Variants in STYK1 observed in about 807,000 individuals in gnomAD.
The protein encoded by STYK1 is STY kinase 1.
Under a neutral mutation model 48.1 loss-of-function variants are expected in STYK1, and 46 were observed. That is an observed-to-expected ratio of 0.96 (90% confidence interval 0.75 to 1.22). STYK1 has a LOEUF of 1.22. Among genes scored for constraint, STYK1 ranks in the 50% most tolerant of loss-of-function variants. STYK1 has a pLI of 0.00. For synonymous variants in STYK1, 188 were observed against 189.0 expected (o/e 0.99, Z 0.04); for missense variants, 527 against 521.1 (o/e 1.01, Z -0.11).
chr12:10,648,781 A>T (rs1400448429), intron 1 of STYK1, among the ~76,000 whole-genome samples: 2 of 152,036 alleles, frequency 1.3e-5, no homozygotes, highest in African/African-American at 4.8e-5. Context: ...GCCCAGGCTG[A>T]TGTAAAATTC....
rs368958610 is a variant in STYK1 at position 10,631,222 on chromosome 12, C to T, written c.274G>A (p.Val92Met). 1.4e-5 allele frequency: 22 copies of T among 1,614,112 alleles called. No individual in the cohort carries two copies. Among genetic ancestry groups the T allele is most frequent in the Middle Eastern group, 1.6e-4 (1 of 6,084 alleles). ...NVALPLKETSVENFLGATTPA... is the reference protein window; with the variant it reads ...NVALPLKETSMENFLGATTPA... ...GTGGTAGCTCCCAGAAAGTTTTCCA[C>T]GGATGTCTCCTTAAGTGGCAAAGCC... Residue 92 changes from valine to methionine, a missense_variant, in exon 5 of 11, where the codon GTG becomes ATG. Transcript: ENST00000075503.
At chr12:10,636,644 G>A (rs777548862) in intron 2 of STYK1, among the ~76,000 whole-genome samples, 1 of 152,168 alleles carries the variant, frequency 6.6e-6, no homozygotes, top group Non-Finnish European at 1.5e-5. Context: ...ATTCAGGAAG[G>A]CTATTAGAAA....
chr12:10,628,777 G>T (rs1010181725), intron 6 of STYK1, among the ~76,000 whole-genome samples: 3 of 152,130 alleles, frequency 2.0e-5, no homozygotes, highest in Admixed American at 6.6e-5. Flanking sequence ...TTTAAAAAAC[G>T]TGAGTTTGAG....
intron 1 of STYK1, among the ~76,000 whole-genome samples, chr12:10,660,068 A>T (rs985333227): frequency 2.0e-5 from 3 of 152,238 alleles, no homozygotes; most frequent in Admixed American, 6.5e-5. Flanking sequence ...TACTGGAATC[A>T]GTTAGTGACC....
intron 6 of STYK1, among the ~76,000 whole-genome samples, chr12:10,628,748 A>C (rs35966693): frequency 2.8e-3 from 419 of 152,308 alleles, no homozygotes; most frequent in Non-Finnish European, 5.1e-3. Context: ...TGAGGCTAAA[A>C]ATTTCTGAAT....
In STYK1 at chr12:10,672,215, C is replaced by G. The variant is rs920207274; in HGVS notation, c.-195+1751G>C. 6.6e-6 allele frequency among the ~76,000 whole-genome samples: 1 copy of G among 152,152 alleles called. No individual in the cohort carries two copies. Among genetic ancestry groups the G allele is most frequent in the Non-Finnish European group, 1.5e-5 (1 of 68,026 alleles). ...CTACTGAACTGTGAGAAAATCATTTCGTTGTTTAAGCCAGAGGTCACCAAC... is the reference window on the plus strand; with the variant it reads ...CTACTGAACTGTGAGAAAATCATTTGGTTGTTTAAGCCAGAGGTCACCAAC... On this transcript the variant is annotated intron_variant, in intron 1 of 10. Transcript: ENST00000075503. The surrounding 1 kb of genome is among the most constrained non-coding windows in gnomAD (Gnocchi z 4.0).
At chr12:10,657,412 T>C (rs891559406) in intron 1 of STYK1, among the ~76,000 whole-genome samples, 1 of 152,232 alleles carries the variant, frequency 6.6e-6, no homozygotes, top group Admixed American at 6.5e-5. Flanking sequence ...GGTTTAAAAA[T>C]AATAAGCACT....
At chr12:10,627,308 T>C (rs577166329) in intron 7 of STYK1, among the ~76,000 whole-genome samples, 1 of 152,320 alleles carries the variant, frequency 6.6e-6, no homozygotes, top group Admixed American at 6.5e-5. Context: ...AATTCTATTA[T>C]TAGTACAAAT....
chr12:10,630,081 G>C (rs2009908), intron 5 of STYK1, among the ~76,000 whole-genome samples: 45,815 of 106,610 alleles, frequency 0.43, 8,666 homozygotes, highest in Non-Finnish European at 0.54. Context: ...GAGAGAGAGA[G>C]AGAGAGAGAG....
chr12:10,635,353 T>A (rs1208968106), intron 2 of STYK1, among the ~76,000 whole-genome samples: 1 of 152,244 alleles, frequency 6.6e-6, no homozygotes, highest in East Asian at 1.9e-4. Flanking sequence ...AATTGACAGA[T>A]GTCGAAGGAT....
At position 10,624,837 on chromosome 12, in the gene STYK1, A is replaced by C; in HGVS notation, c.740T>G (p.Leu247Trp). The C allele has an allele frequency of 1.2e-6, 2 of 1,614,168 alleles. No homozygotes were observed. The highest frequency in any genetic ancestry group is 1.7e-6 in the Non-Finnish European group (2 of 1,180,020). Residue 247 changes from leucine (L) to tryptophan (W), a missense_variant, in exon 8 of 11, where the codon TTG becomes TGG. Coordinates refer to ENST00000075503, the MANE Select transcript of STYK1 (RefSeq NM_018423.3). ...CCTGGCTGCCACATCCCCATGGAAC[A>C]AATGCTTCTCCTGCAGGAATTCCTG... The part of the protein sequence containing the change: ...LALEFLQEKH[L>W]FHGDVAARNI...
chr12:10,624,087 C>CT (rs112853318), intron 8 of STYK1, among the ~76,000 whole-genome samples: 23,585 of 147,054 alleles, frequency 0.16, 2,163 homozygotes, highest in East Asian at 0.23. Context: ...AATCTTTTCA[C>CT]TTTTTTTTTT....
chr12:10,656,340 T>C (rs184010661), intron 1 of STYK1, among the ~76,000 whole-genome samples: 23 of 152,062 alleles, frequency 1.5e-4, no homozygotes, highest in Admixed American at 7.2e-4. Context: ...AATGGATGAA[T>C]ACAGGGCTGA....
intron 1 of STYK1, chr12:10,673,559 C>T (rs2418096): frequency 0.28 from 42,572 of 152,012 alleles, 6,742 homozygotes; most frequent in African/African-American, 0.43. Flanking sequence ...CTGAAAGCAA[C>T]GATTCCATGG....
chr12:10,631,369 C>T, intron 4 of STYK1, 61 bp from the exon 5 acceptor site: 1 of 1,577,714 alleles, frequency 6.3e-7, no homozygotes. Context: ...GGAAAGCAGA[C>T]CCTGAAACAA....
At chr12:10,667,843 G>C (rs1210972552) in intron 1 of STYK1, among the ~76,000 whole-genome samples, 1 of 152,094 alleles carries the variant, frequency 6.6e-6, no homozygotes, top group African/African-American at 2.4e-5. Flanking sequence ...TCACCCTTAG[G>C]AGGTAGTATT....
chr12:10,656,402 G>A (rs1947718812), intron 1 of STYK1, among the ~76,000 whole-genome samples: 1 of 152,154 alleles, frequency 6.6e-6, no homozygotes, highest in South Asian at 2.1e-4. Flanking sequence ...TGAGGCAGGT[G>A]GATCACGAGG....
intron 1 of STYK1, among the ~76,000 whole-genome samples, chr12:10,664,363 G>A (rs917513260): frequency 1.3e-5 from 2 of 152,054 alleles, no homozygotes; most frequent in African/African-American, 4.8e-5. Context: ...AGAGACCACT[G>A]CTCCCTAGGC....
rs772591709 is a variant in STYK1 at position 10,629,720 on chromosome 12, C to T, written c.452-46G>A. 21 of 1,610,002 alleles carry T rather than the reference C, an allele frequency of 1.3e-5. No individual in the cohort carries two copies. In the South Asian group the frequency reaches 1.3e-4, roughly 10 times the overall value. The stretch of plus-strand genomic sequence containing the variant: ...AGGCAGTGAGCAGTCAGAGCATCCT[C>T]GATGAGTGGGAGGCAGGGAGCAGGA... On this transcript the variant is annotated intron_variant, in intron 5 of 10. Coordinates refer to ENST00000075503, the MANE Select transcript of STYK1 (RefSeq NM_018423.3).
Sources: gnomAD v4.1 joint callset for allele counts (sites outside exome capture counted in the v4.1 genomes callset) on GRCh38, gnomAD v4.1.1 for gene constraint, Gnocchi (gnomAD v3.1) non-coding constraint, MANE v1.5 for transcripts, NCBI Gene and HGNC (gene_info 2026-07-23, HGNC 2026-07-21) for gene names.